The following RPTOR variants were observed in gnomAD, a reference collection of about 807,000 sequenced individuals.
The protein encoded by RPTOR is regulatory associated protein of MTOR complex 1.
Under a neutral mutation model 169.9 loss-of-function variants are expected in RPTOR, and 21 were observed. That is an observed-to-expected ratio of 0.12 (90% CI 0.09 to 0.18). The LOEUF is 0.18. Ranked by LOEUF, RPTOR falls within the 10% of genes least tolerant of loss-of-function variation. The pLI is 1.00. For missense variants in RPTOR, 1,133 were observed against 1,855.9 expected, an observed-to-expected ratio of 0.61 and a Z score of 7.16; for synonymous variants, 732 against 753.2, an observed-to-expected ratio of 0.97 and a Z score of 0.46.
intron 12 of RPTOR, among the ~76,000 whole-genome samples, chr17:80,856,419 T>C (rs2067852645): frequency 6.6e-6 from 1 of 152,236 alleles, no homozygotes. Flanking sequence ...GCGGAACCGC[T>C]GTCACTAGCT....
Position 80,925,203 on chromosome 17 carries a change from G to A in RPTOR, c.2809-167G>A, listed in dbSNP as rs532802902. 5.3e-5 allele frequency among the ~76,000 whole-genome samples: 8 copies of A among 152,334 alleles called. No individual in the cohort carries two copies. The South Asian group carries it at 1.4e-3, about 28-fold the overall frequency. On this transcript the variant is annotated intron_variant, in intron 23 of 33. Coordinates refer to ENST00000306801, the MANE Select transcript of RPTOR (RefSeq NM_020761.3). ...CCTGGCCAGACGTTCAGGGGTTCTTGGTCACCAGGATACGGAAGTGAGCAG... is the reference window on the plus strand; with the variant it reads ...CCTGGCCAGACGTTCAGGGGTTCTTAGTCACCAGGATACGGAAGTGAGCAG...
At position 80,754,649 on chromosome 17, in the gene RPTOR, C is replaced by G. The variant is rs1013631011; in HGVS notation, c.830+464C>G. 6.6e-6 allele frequency among the ~76,000 whole-genome samples: 1 copy of G among 152,156 alleles called. No individual in the cohort carries two copies. The highest frequency in any genetic ancestry group is 1.5e-5 in the Non-Finnish European group (1 of 68,028). On this transcript the variant is annotated intron_variant, in intron 6 of 33. Transcript: ENST00000306801. The surrounding 1 kb of genome is among the most constrained non-coding windows in gnomAD (Gnocchi z 4.2). ...TCCATCCTTTTTAAGTTATAGCCGT[C>G]GGGAACATAACTGAAGAAATGTGTG...
intron 6 of RPTOR, among the ~76,000 whole-genome samples, chr17:80,774,598 A>G (rs2066875457): frequency 6.6e-6 from 1 of 152,126 alleles, no homozygotes; most frequent in Non-Finnish European, 1.5e-5. Context: ...GCCTTCACCA[A>G]CGTGAGCTGA....
intron 5 of RPTOR, among the ~76,000 whole-genome samples, chr17:80,737,408 A>G (rs560350908): frequency 1.3e-5 from 2 of 152,296 alleles, no homozygotes; most frequent in South Asian, 2.1e-4. Flanking sequence ...CTTTAGAGGA[A>G]AAAAACCCAC....
chr17:80,684,513 C>T (rs974658157), intron 3 of RPTOR, among the ~76,000 whole-genome samples: 4 of 150,768 alleles, frequency 2.7e-5, no homozygotes, highest in South Asian at 2.1e-4. Flanking sequence ...GGTGTGATCT[C>T]GGCTCACTGC....
chr17:80,952,358 A>T (rs2069189976), intron 28 of RPTOR, among the ~76,000 whole-genome samples: 1 of 152,202 alleles, frequency 6.6e-6, no homozygotes, highest in South Asian at 2.1e-4. Context: ...GGCCCACAGC[A>T]CATCTGATCT....
At chr17:80,931,650 A>G (rs1299909293) in intron 24 of RPTOR, among the ~76,000 whole-genome samples, 1 of 152,212 alleles carries the variant, frequency 6.6e-6, no homozygotes, top group African/African-American at 2.4e-5. Flanking sequence ...CTGCCACAGA[A>G]GAACTGCAAA....
At chr17:80,898,036 G>T (rs1289181722) in intron 20 of RPTOR, among the ~76,000 whole-genome samples, 1 of 152,176 alleles carries the variant, frequency 6.6e-6, no homozygotes, top group African/African-American at 2.4e-5. Context: ...TGTTCTTTCG[G>T]TGTCTGAGTA....
intron 3 of RPTOR, among the ~76,000 whole-genome samples, chr17:80,650,209 C>T (rs2065629099): frequency 1.3e-5 from 2 of 152,226 alleles, no homozygotes; most frequent in African/African-American, 2.4e-5. Flanking sequence ...AGAGGGGACC[C>T]CTGCTGGCCA....
intron 5 of RPTOR, among the ~76,000 whole-genome samples, chr17:80,748,935 G>A (rs56229125): frequency 0.12 from 957 of 8,318 alleles, 41 homozygotes; most frequent in East Asian, 0.47. Flanking sequence ...CCTGTTGGGT[G>A]GATGGAGGGG....
chr17:80,715,739 C>T (rs978517715), intron 4 of RPTOR, among the ~76,000 whole-genome samples: 2 of 150,532 alleles, frequency 1.3e-5, no homozygotes, highest in African/African-American at 4.9e-5. Context: ...CTCCCCAAGT[C>T]CCCAAATTCC....
At chr17:80,935,666 TAAA>T (rs1050427749) in intron 24 of RPTOR, among the ~76,000 whole-genome samples, 12 of 151,900 alleles carry the variant, frequency 7.9e-5, no homozygotes. Flanking sequence ...TCAAAAAAAA[TAAA>T]AAGAAGAACC....
intron 21 of RPTOR, among the ~76,000 whole-genome samples, chr17:80,912,143 G>T (rs1257644282): frequency 6.6e-6 from 1 of 152,204 alleles, no homozygotes; most frequent in African/African-American, 2.4e-5. Context: ...TAAAATAGTT[G>T]TAAAAGCTTT....
chr17:80,951,432 C>G (rs185143926), intron 28 of RPTOR, among the ~76,000 whole-genome samples: 2 of 152,184 alleles, frequency 1.3e-5, no homozygotes, highest in Non-Finnish European at 2.9e-5. Flanking sequence ...TCAGGGGTCT[C>G]GGGGTCAGAG....
chr17:80,580,446 A>G (rs1342849477), intron 1 of RPTOR, among the ~76,000 whole-genome samples: 1 of 152,184 alleles, frequency 6.6e-6, no homozygotes, highest in Admixed American at 6.5e-5. Flanking sequence ...TTGCCATTTG[A>G]AAATACCTTT....
intron 3 of RPTOR, among the ~76,000 whole-genome samples, chr17:80,665,321 CTTTTCT>C (rs2065755486): frequency 8.1e-6 from 1 of 124,222 alleles, no homozygotes; most frequent in Non-Finnish European, 1.7e-5. Flanking sequence ...AAATTTTTTT[CTTTTCT>C]TTTCCCTTTC....
Position 80,638,112 on chromosome 17 carries a change from A to G in RPTOR, c.266-5616A>G, listed in dbSNP as rs141027647. On this transcript the variant is annotated intron_variant, in intron 2 of 33. Coordinates refer to ENST00000306801, the MANE Select transcript of RPTOR (RefSeq NM_020761.3). ...GATCCATGCAGTAGAACAGAGACCA[A>G]TACGAGGTCAAGCTTGAACGGCCTG... Among the ~76,000 whole-genome samples the G allele has an allele frequency of 8.7e-4, 133 of 152,376 alleles. 1 individual carries two copies. The East Asian group carries it at 0.016, about 18-fold the overall frequency.
intron 3 of RPTOR, among the ~76,000 whole-genome samples, chr17:80,649,183 G>A (rs1599634037): frequency 6.6e-6 from 1 of 152,216 alleles, no homozygotes; most frequent in African/African-American, 2.4e-5. Context: ...CCCTAGGACA[G>A]TACTCCACAC....
intron 20 of RPTOR, among the ~76,000 whole-genome samples, chr17:80,897,667 TG>T (rs2143895339): frequency 6.6e-6 from 1 of 152,086 alleles, no homozygotes; most frequent in South Asian, 2.1e-4. Context: ...CATTCACGAG[TG>T]GGTTGGGCTG....
Sources: gnomAD v4.1 joint callset for allele counts (sites outside exome capture counted in the v4.1 genomes callset) on GRCh38, gnomAD v4.1.1 for gene constraint, Gnocchi (gnomAD v3.1) non-coding constraint, MANE v1.5 for transcripts, NCBI Gene and HGNC (gene_info 2026-07-23, HGNC 2026-07-21) for gene names.